Variants in PTPN11 observed in about 807,000 individuals in gnomAD.
PTPN11 encodes tyrosine-protein phosphatase non-receptor type 11.
PTPN11 carries 6 observed loss-of-function variants against 78.8 expected under a neutral mutation model. The ratio of observed to expected loss-of-function variants is 0.08; its 90% CI spans 0.04 to 0.15. PTPN11 has a LOEUF of 0.15. Among genes scored for constraint, PTPN11 ranks in the 10% least tolerant of loss-of-function variants. The pLI is 1.00. For missense variants in PTPN11, 386 were observed against 744.8 expected, an observed-to-expected ratio of 0.52 and a Z score of 5.61; for synonymous variants, 221 against 263.5, an observed-to-expected ratio of 0.84 and a Z score of 1.56.
intron 1 of PTPN11, among the ~76,000 whole-genome samples, chr12:112,440,710 A>T (rs914789527): frequency 6.6e-6 from 1 of 150,458 alleles, no homozygotes; most frequent in Non-Finnish European, 1.5e-5. Context: ...AGTATCTGAG[A>T]TTACAGATGT....
chr12:112,491,025 G>A lies in PTPN11; in HGVS notation c.1599+1850G>A, dbSNP rs570008663. On this transcript the variant is annotated intron_variant, in intron 13 of 15. Transcript: ENST00000351677. ...ATTTCTAAAATTATGAAGTGTTCAG[G>A]ACCTTTGGGAGTGAAAGAATTTGCT... Among the ~76,000 whole-genome samples the A allele has an allele frequency of 1.3e-4, 20 of 152,188 alleles. No individual in the cohort carries two copies. The South Asian group carries it at 2.3e-3, about 17-fold the overall frequency.
At chr12:112,431,639 A>C (rs1014694427) in intron 1 of PTPN11, among the ~76,000 whole-genome samples, 3 of 152,142 alleles carry the variant, frequency 2.0e-5, no homozygotes, top group African/African-American at 7.2e-5. Flanking sequence ...TGATCAGAGA[A>C]CCAGAGTCAA....
rs2038527071 is a variant in PTPN11 at position 112,477,657 on chromosome 12, A to C, written c.860A>C (p.His287Pro). ...TGGTCTCTTTTTCTTCTAGTTGATC[A>C]TACCAGGGTTGTCCTACACGATGGT... ...NRYKNILPFD[H>P]TRVVLHDGDP... Residue 287 changes from histidine to proline, a missense_variant, in exon 8 of 16, where the codon CAT (histidine) becomes CCT (proline). His to Pro is a moderately conservative substitution (Grantham distance 77). Around this residue, in one of 3 missense-constraint regions of PTPN11, gnomAD observed 279 missense variants for 503.3 expected, o/e 0.55. Coordinates refer to ENST00000351677, the MANE Select transcript of PTPN11 (RefSeq NM_002834.5). The C allele has an allele frequency of 1.2e-6, 2 of 1,611,036 alleles. No individual in the cohort carries two copies. Among genetic ancestry groups the C allele is most frequent in the African/African-American group, 1.3e-5 (1 of 74,806 alleles).
intron 10 of PTPN11, 127 bp from the exon 11 acceptor site, chr12:112,486,348 G>T: frequency 1.0e-6 from 1 of 986,820 alleles, no homozygotes; most frequent in South Asian, 1.4e-5. Context: ...TCACGAAGAG[G>T]ACCTTTCAGT....
chr12:112,452,635 C>T (rs1481266886), intron 3 of PTPN11, among the ~76,000 whole-genome samples: 2 of 152,128 alleles, frequency 1.3e-5, no homozygotes, highest in African/African-American at 4.8e-5. Flanking sequence ...TCAAGTGATC[C>T]TCCTGCCTCG....
chr12:112,489,947 G>C (rs976446772), intron 13 of PTPN11, among the ~76,000 whole-genome samples: 2 of 152,166 alleles, frequency 1.3e-5, no homozygotes, highest in Admixed American at 6.6e-5. Context: ...TAGCCTAGCA[G>C]AACAGCAGCC....
At chr12:112,494,510 GA>G in intron 13 of PTPN11, among the ~76,000 whole-genome samples, 1 of 152,100 alleles carries the variant, frequency 6.6e-6, no homozygotes, top group Non-Finnish European at 1.5e-5. Flanking sequence ...TTGGCTAGTG[GA>G]AACCTTTTCA....
intron 11 of PTPN11, chr12:112,486,921 T>C: frequency 7.3e-7 from 1 of 1,367,964 alleles, no homozygotes; most frequent in Non-Finnish European, 9.5e-7. Flanking sequence ...AACTTCATCC[T>C]GGCTCTGCAG....
intron 9 of PTPN11, 58 bp downstream of exon 9, chr12:112,478,073 A>G (rs2038537566): frequency 1.8e-5 from 28 of 1,587,040 alleles, no homozygotes; most frequent in Middle Eastern, 1.7e-4. Flanking sequence ...GACATGTCAG[A>G]TTGGCCATGT....
intron 13 of PTPN11, among the ~76,000 whole-genome samples, chr12:112,492,773 TCCCAAAG>T (rs971356823): frequency 2.0e-5 from 3 of 152,292 alleles, no homozygotes. Flanking sequence ...CGCCTTGGCC[TCCCAAAG>T]TGCTGGGATT....
intron 2 of PTPN11, among the ~76,000 whole-genome samples, 200 bp downstream of exon 2, chr12:112,446,598 C>T (rs1800798544): frequency 6.6e-6 from 1 of 152,136 alleles, no homozygotes; most frequent in Admixed American, 6.6e-5. Context: ...CCCTCTGAGA[C>T]CTCATGGAAG....
At chr12:112,478,119 C>T (rs979880318) in intron 9 of PTPN11, 104 bp downstream of exon 9, 19 of 1,321,450 alleles carry the variant, frequency 1.4e-5, no homozygotes, top group Non-Finnish European at 1.9e-5. Flanking sequence ...CTTACTGTAA[C>T]TGATTCTCTG....
intron 13 of PTPN11, among the ~76,000 whole-genome samples, chr12:112,489,714 A>G (rs900356790): frequency 6.6e-6 from 1 of 152,216 alleles, no homozygotes; most frequent in Non-Finnish European, 1.5e-5. Flanking sequence ...TGAGTTAATT[A>G]GGAATATGCT....
At chr12:112,426,823 T>TA (rs1170797588) in intron 1 of PTPN11, among the ~76,000 whole-genome samples, 1 of 151,980 alleles carries the variant, frequency 6.6e-6, no homozygotes, top group Non-Finnish European at 1.5e-5. Flanking sequence ...TTTTTGTAGA[T>TA]ACGAGGTCTC....
At chr12:112,468,941 G>A (rs1430023504) in intron 6 of PTPN11, among the ~76,000 whole-genome samples, 1 of 152,144 alleles carries the variant, frequency 6.6e-6, no homozygotes, top group Non-Finnish European at 1.5e-5. Flanking sequence ...GTGCGTGCCT[G>A]TAGTCCCAGC....
Position 112,502,186 on chromosome 12 carries a change from T to C in PTPN11, c.1642T>C (p.Ser548Pro), listed in dbSNP as rs1057517907. 29 of 1,613,812 alleles carry C rather than the reference T, an allele frequency of 1.8e-5. No individual in the cohort carries two copies. The highest frequency in any genetic ancestry group is 2.2e-5 in the Non-Finnish European group (26 of 1,179,844). The change falls in exon 14 of 16, where the codon TCT becomes CCT. Residue 548 changes from serine to proline, a missense_variant. Ser to Pro is a moderately conservative substitution (Grantham distance 74). Around this residue, in one of 3 missense-constraint regions of PTPN11, gnomAD observed 44 missense variants for 59.3 expected, o/e 0.74. Transcript: ENST00000351677. The stretch of plus-strand genomic sequence containing the variant: ...GCACGAATATACAAATATTAAGTAT[T>C]CTCTAGCGGACCAGACGAGTGGAGA... Reference protein sequence around the residue: ...KGHEYTNIKYSLADQTSGDQS... With the variant: ...KGHEYTNIKYPLADQTSGDQS...
At chr12:112,464,508 T>C (rs1262120942) in intron 6 of PTPN11, among the ~76,000 whole-genome samples, 1 of 151,756 alleles carries the variant, frequency 6.6e-6, no homozygotes, top group Non-Finnish European at 1.5e-5. Flanking sequence ...GATAGCTCAC[T>C]GCAACCTCCA....
chr12:112,489,555 C>A (rs1479957865), intron 13 of PTPN11, among the ~76,000 whole-genome samples: 1 of 152,174 alleles, frequency 6.6e-6, no homozygotes, highest in Non-Finnish European at 1.5e-5. Flanking sequence ...AAAACGAATG[C>A]CTCACTCTTA....
intron 6 of PTPN11, among the ~76,000 whole-genome samples, chr12:112,460,757 G>A (rs1186067659): frequency 6.6e-6 from 1 of 152,120 alleles, no homozygotes; most frequent in Non-Finnish European, 1.5e-5. Flanking sequence ...CAGGAGAATC[G>A]CTTGAACCCA....
Sources: gnomAD v4.1 joint callset for allele counts (sites outside exome capture counted in the v4.1 genomes callset) on GRCh38, gnomAD v4.1.1 for gene constraint, gnomAD v4.1.1 regional missense constraint, MANE v1.5 for transcripts, NCBI Gene and HGNC (gene_info 2026-07-23, HGNC 2026-07-21) for gene names.